Variants in ARHGAP20 observed in about 807,000 individuals in gnomAD.
The protein encoded by ARHGAP20 is Rho GTPase activating protein 20.
ARHGAP20 carries 34 observed loss-of-function variants against 73.7 expected under a neutral mutation model. The observed-to-expected ratio is 0.46, with a 90% confidence interval of 0.35 to 0.61. The LOEUF is 0.61. ARHGAP20 is among the 20% of genes least tolerant of loss of function. The probability of loss-of-function intolerance (pLI) is 0.00; values close to 1 mark genes in which losing one functional copy is unlikely to be tolerated. For missense variants in ARHGAP20, 1,314 were observed against 1,420.9 expected (o/e 0.92, Z 1.21); for synonymous variants, 523 against 518.2 (o/e 1.01, Z -0.13).
rs187474163 is a variant in ARHGAP20, at chr11:110,683,684, G to A, written c.188+6863C>T. On this transcript the variant is annotated intron_variant, in intron 2 of 14. Transcript: ENST00000683387. ...TTATCACACTATGCCCCATAAATAT[G>A]TACAATTATTATGTGCCAATTTTTT... is the stretch of plus-strand genomic sequence containing the variant. 2.4e-3 allele frequency among the ~76,000 whole-genome samples: 361 copies of A among 152,184 alleles called. 2 individuals are homozygous for A. The highest frequency in any genetic ancestry group is 3.2e-3 in the Admixed American group (49 of 15,262).
rs1156830925 is a variant in ARHGAP20, at chr11:110,684,572, C to G, written c.188+5975G>C. On this transcript the variant is annotated intron_variant, in intron 2 of 14. Coordinates refer to ENST00000683387, the MANE Select transcript of ARHGAP20 (RefSeq NM_001384657.1). ...ACCCAGCAATCCCATTACTGGATAT[C>G]TAAACAAAGGAAAAAAACTAGTTTT... Among the ~76,000 whole-genome samples the G allele has an allele frequency of 1.3e-5, 2 of 151,956 alleles. 1 individual carries two copies. Among genetic ancestry groups the G allele is most frequent in the Non-Finnish European group, 2.9e-5 (2 of 67,968 alleles).
intron 11 of ARHGAP20, 105 bp from the exon 12 acceptor site, chr11:110,586,430 C>A: frequency 1.8e-6 from 1 of 558,452 alleles, no homozygotes; most frequent in Non-Finnish European, 3.1e-6. Context: ...TACGTACTCT[C>A]TTCTGTGAAC....
chr11:110,671,396 T>C lies in ARHGAP20; in HGVS notation c.188+19151A>G, dbSNP rs574002121. The stretch of plus-strand genomic sequence containing the variant: ...CCAAAAAATCCTAAAGCAAACATCA[T>C]ACTTAATGGTGAAAGACTGAATATT... On this transcript the variant is annotated intron_variant, in intron 2 of 14. Transcript: ENST00000683387. 1.2e-3 allele frequency among the ~76,000 whole-genome samples: 186 copies of C among 152,198 alleles called. 3 individuals carry two copies. In the South Asian group the frequency reaches 0.038, roughly 31 times the overall value.
intron 2 of ARHGAP20, among the ~76,000 whole-genome samples, chr11:110,662,778 C>T (rs1206573593): frequency 6.6e-6 from 1 of 151,728 alleles, no homozygotes; most frequent in Non-Finnish European, 1.5e-5. Flanking sequence ...AGATAATTTG[C>T]CTTATGATGT....
intron 2 of ARHGAP20, among the ~76,000 whole-genome samples, chr11:110,651,900 C>T (rs555550663): frequency 6.6e-6 from 1 of 152,258 alleles, no homozygotes; most frequent in East Asian, 1.9e-4. Flanking sequence ...AGACTGGCAT[C>T]ATCCTGATAC....
chr11:110,581,836 T>C (rs1947477710), intron 14 of ARHGAP20, among the ~76,000 whole-genome samples: 1 of 150,134 alleles, frequency 6.7e-6, no homozygotes, highest in Admixed American at 6.7e-5. Context: ...AATTCAGTGT[T>C]CCCCCACCTC....
In ARHGAP20 at chr11:110,667,827, G is replaced by A. The variant is rs531618769; in HGVS notation, c.188+22720C>T. Among the ~76,000 whole-genome samples the A allele has an allele frequency of 7.2e-5, 11 of 152,336 alleles. No individual in the cohort carries two copies. The South Asian group carries it at 2.3e-3, about 32-fold the overall frequency. ...GGAGTTCAAGACTCCAGTGGGGGAAGTCACTGCAAATGTGGTAGAAACAGC... is the reference window on the plus strand; with the variant it reads ...GGAGTTCAAGACTCCAGTGGGGGAAATCACTGCAAATGTGGTAGAAACAGC... On this transcript the variant is annotated intron_variant, in intron 2 of 14. Transcript: ENST00000683387.
intron 2 of ARHGAP20, among the ~76,000 whole-genome samples, chr11:110,656,186 G>C (rs1352455633): frequency 6.6e-6 from 1 of 152,032 alleles, no homozygotes; most frequent in African/African-American, 2.4e-5. Context: ...TGTAGCTACT[G>C]CTCCTCCTCA....
intron 2 of ARHGAP20, among the ~76,000 whole-genome samples, chr11:110,656,512 T>G (rs758204428): frequency 2.6e-4 from 40 of 152,146 alleles, no homozygotes; most frequent in Admixed American, 2.0e-3. Context: ...CAGTGGGTAT[T>G]TGCCTGAGTC....
chr11:110,584,196 A>G (rs76093281), intron 12 of ARHGAP20, among the ~76,000 whole-genome samples: 2,766 of 152,286 alleles, frequency 0.018, 102 homozygotes, highest in African/African-American at 0.06. Context: ...CTTAGCTATC[A>G]AGACGTCCAG....
In ARHGAP20 at chr11:110,614,615, G is replaced by A. The variant is rs1948444199; in HGVS notation, c.576C>T (p.Tyr192=). 6.2e-7 allele frequency: 1 copy of A among 1,612,514 alleles called. No homozygotes were observed. Among genetic ancestry groups the A allele is most frequent in the African/African-American group, 1.3e-5 (1 of 74,844 alleles). The change falls in exon 6 of 15, where the codon TAC becomes TAT. Residue 192 remains tyrosine (Y), a synonymous_variant. Coordinates refer to ENST00000683387, the MANE Select transcript of ARHGAP20 (RefSeq NM_001384657.1). ...AGATTTTGAGGGGAATGCTCTTCGG[G>A]TAGTCCTTTTCTTTCTCTAGATTGA... ...RYINLEKEKD[Y]PKSIPLKIFA...
At chr11:110,648,400 T>C (rs1229121036) in intron 2 of ARHGAP20, among the ~76,000 whole-genome samples, 1 of 150,480 alleles carries the variant, frequency 6.6e-6, no homozygotes, top group African/African-American at 2.4e-5. Flanking sequence ...CCTTGATAAC[T>C]GAGGATTAAA....
At chr11:110,674,917 C>G (rs1351574372) in intron 2 of ARHGAP20, among the ~76,000 whole-genome samples, 1 of 152,078 alleles carries the variant, frequency 6.6e-6, no homozygotes, top group Non-Finnish European at 1.5e-5. Context: ...TTACATATAT[C>G]ATCTCATCTT....
At chr11:110,619,998 A>G (rs1292278713) in intron 4 of ARHGAP20, among the ~76,000 whole-genome samples, 1 of 152,132 alleles carries the variant, frequency 6.6e-6, no homozygotes, top group Non-Finnish European at 1.5e-5. Flanking sequence ...TCAGTCTTAG[A>G]TTTCAATGCT....
chr11:110,625,507 C>A (rs1202286608), intron 3 of ARHGAP20, among the ~76,000 whole-genome samples: 1 of 151,972 alleles, frequency 6.6e-6, no homozygotes, highest in African/African-American at 2.4e-5. Flanking sequence ...TTTGTTCAAC[C>A]ATTTCCCCTT....
At chr11:110,615,657 T>A in intron 4 of ARHGAP20, 63 bp from the exon 5 acceptor site, 1 of 1,433,496 alleles carries the variant, frequency 7.0e-7, no homozygotes, top group Non-Finnish European at 9.7e-7. Context: ...CTAACAGATT[T>A]AGGATTGTCA....
chr11:110,676,514 T>C (rs1949933097), intron 2 of ARHGAP20, among the ~76,000 whole-genome samples: 1 of 152,140 alleles, frequency 6.6e-6, no homozygotes, highest in African/African-American at 2.4e-5. Context: ...TGAGAACTCA[T>C]TCACTATCAT....
intron 2 of ARHGAP20, among the ~76,000 whole-genome samples, chr11:110,668,691 T>C (rs1949770957): frequency 1.3e-5 from 2 of 152,026 alleles, no homozygotes; most frequent in African/African-American, 4.8e-5. Flanking sequence ...AAATATATAA[T>C]GCCATTGGCA....
At chr11:110,676,264 G>A (rs1235300094) in intron 2 of ARHGAP20, among the ~76,000 whole-genome samples, 1 of 152,128 alleles carries the variant, frequency 6.6e-6, no homozygotes, top group East Asian at 1.9e-4. Context: ...GAAGCTGAAT[G>A]ACAGAAAAAG....
Sources: gnomAD v4.1 joint callset for allele counts (sites outside exome capture counted in the v4.1 genomes callset) on GRCh38, gnomAD v4.1.1 for gene constraint, MANE v1.5 for transcripts, NCBI Gene and HGNC (gene_info 2026-07-23, HGNC 2026-07-21) for gene names.